Variants in PTN observed in about 807,000 individuals in gnomAD.
PTN encodes the protein heparin affin regulatory protein.
A neutral mutation model predicts 24.1 loss-of-function variants in PTN; 18 were observed. The observed-to-expected ratio is 0.75, with a 90% CI of 0.52 to 1.11. The LOEUF (loss-of-function observed/expected upper bound fraction) is 1.11, where lower values mean the gene tolerates loss of function less well. PTN is among the 50% of genes least tolerant of loss of function. The pLI is 0.00. For missense variants in PTN, 163 were observed against 198.8 expected, an observed-to-expected ratio of 0.82 and a Z score of 1.08; for synonymous variants, 78 against 68.6, an observed-to-expected ratio of 1.14 and a Z score of -0.67.
chr7:137,329,255 A>T (rs1810310858), intron 1 of PTN, among the ~76,000 whole-genome samples: 1 of 152,212 alleles, frequency 6.6e-6, no homozygotes, highest in Non-Finnish European at 1.5e-5. Context: ...AATGCTGGTG[A>T]ATTGTGCTCA....
intron 1 of PTN, among the ~76,000 whole-genome samples, chr7:137,298,424 A>G (rs1188041333): frequency 6.6e-6 from 1 of 151,776 alleles, no homozygotes; most frequent in Admixed American, 6.6e-5. Context: ...TTTTTTTTCA[A>G]ATTTTATGAT....
At chr7:137,334,908 T>G (rs1016984910) in intron 1 of PTN, among the ~76,000 whole-genome samples, 2 of 151,298 alleles carry the variant, frequency 1.3e-5, no homozygotes, top group South Asian at 4.2e-4. Context: ...ATGGATGAAA[T>G]TGGAAATCAT....
chr7:137,261,747 A>G (rs1809041952), intron 1 of PTN, among the ~76,000 whole-genome samples: 1 of 152,202 alleles, frequency 6.6e-6, no homozygotes, highest in Admixed American at 6.5e-5. Context: ...GCTGTGTAGA[A>G]GTATGATTAG....
chr7:137,278,239 G>A (rs1270272727), intron 1 of PTN, among the ~76,000 whole-genome samples: 4 of 141,578 alleles, frequency 2.8e-5, no homozygotes, highest in Admixed American at 7.4e-5. Flanking sequence ...CCCGGGAGGC[G>A]GAGCTTGCAG....
chr7:137,284,825 G>A, intron 1 of PTN, among the ~76,000 whole-genome samples: 1 of 152,102 alleles, frequency 6.6e-6, no homozygotes, highest in East Asian at 1.9e-4. Flanking sequence ...TCTAGTTCAA[G>A]CAGGAACACA....
chr7:137,342,941 C>A (rs1810558779), intron 1 of PTN, among the ~76,000 whole-genome samples: 1 of 152,048 alleles, frequency 6.6e-6, no homozygotes, highest in African/African-American at 2.4e-5. Flanking sequence ...GAGGAACAAG[C>A]CCCCACAGCT....
intron 1 of PTN, among the ~76,000 whole-genome samples, chr7:137,310,404 GTTTT>G (rs60905346): frequency 8.6e-6 from 1 of 115,816 alleles, no homozygotes; most frequent in African/African-American, 3.2e-5. Flanking sequence ...TTTTTTTTTT[GTTTT>G]TTTTTTTTTT....
intron 1 of PTN, chr7:137,326,047 C>T (rs1478876607): frequency 6.6e-6 from 1 of 152,112 alleles, no homozygotes; most frequent in Non-Finnish European, 1.5e-5. Flanking sequence ...CTAATGAAAG[C>T]ATGTTGTGAA....
At chr7:137,288,550 C>T (rs908575611) in intron 1 of PTN, among the ~76,000 whole-genome samples, 10 of 152,126 alleles carry the variant, frequency 6.6e-5, no homozygotes, top group Non-Finnish European at 1.3e-4. Context: ...GATGTATTTA[C>T]TGAATTTTAT....
At chr7:137,255,296 T>C (rs1286245150) in intron 1 of PTN, among the ~76,000 whole-genome samples, 3 of 152,256 alleles carry the variant, frequency 2.0e-5, no homozygotes, top group African/African-American at 4.8e-5. Flanking sequence ...ACAGTCCTAC[T>C]GTCTTGCTGA....
chr7:137,332,648 T>G (rs145306295), intron 1 of PTN, among the ~76,000 whole-genome samples: 2 of 152,352 alleles, frequency 1.3e-5, no homozygotes, highest in African/African-American at 4.8e-5. Context: ...GCTGGCTCAT[T>G]TGAATTCCCT....
intron 1 of PTN, among the ~76,000 whole-genome samples, chr7:137,339,075 T>C (rs1810493153): frequency 6.7e-6 from 1 of 150,132 alleles, no homozygotes; most frequent in Admixed American, 6.6e-5. Context: ...CCCAAAGAAA[T>C]TAGGAAAACA....
chr7:137,298,615 C>T (rs970485150), intron 1 of PTN, among the ~76,000 whole-genome samples: 1 of 151,840 alleles, frequency 6.6e-6, no homozygotes, highest in African/African-American at 2.4e-5. Context: ...TCCATAGAGG[C>T]TCTACTTTAT....
intron 3 of PTN, 149 bp downstream of exon 3, chr7:137,253,315 T>C (rs900339306): frequency 1.3e-6 from 1 of 757,700 alleles, no homozygotes; most frequent in Non-Finnish European, 1.9e-6. Flanking sequence ...AATAATTGCC[T>C]GGCCTGAAAT....
chr7:137,236,942 T>C (rs1426812369), intron 4 of PTN, among the ~76,000 whole-genome samples: 1 of 152,192 alleles, frequency 6.6e-6, no homozygotes. Context: ...AACTCCAGTA[T>C]ATTTAAAATT....
chr7:137,251,896 T>C (rs1484968862), intron 3 of PTN, among the ~76,000 whole-genome samples: 1 of 151,892 alleles, frequency 6.6e-6, no homozygotes. Context: ...TAGTATTCCA[T>C]GGTCCCAATG....
chr7:137,269,581 G>C (rs565430273), intron 1 of PTN, among the ~76,000 whole-genome samples: 1 of 145,976 alleles, frequency 6.9e-6, no homozygotes, highest in Non-Finnish European at 1.5e-5. Context: ...TTTAAATCTT[G>C]ACCATGGGTT....
chr7:137,249,917 G>A (rs1013099386), intron 4 of PTN, among the ~76,000 whole-genome samples: 1 of 152,148 alleles, frequency 6.6e-6, no homozygotes, highest in Non-Finnish European at 1.5e-5. Flanking sequence ...GACAACTCCA[G>A]CAGTGGCCAA....
chr7:137,242,796 C>A (rs1230502912), intron 4 of PTN, among the ~76,000 whole-genome samples: 1 of 152,186 alleles, frequency 6.6e-6, no homozygotes, highest in Non-Finnish European at 1.5e-5. Flanking sequence ...CTGCACCGTC[C>A]CCTGACCCAC....
Sources: gnomAD v4.1 joint callset for allele counts (sites outside exome capture counted in the v4.1 genomes callset) on GRCh38, gnomAD v4.1.1 for gene constraint, MANE v1.5 for transcripts, NCBI Gene and HGNC (gene_info 2026-07-23, HGNC 2026-07-21) for gene names.